The following STK24 variants were observed in gnomAD, a reference collection of about 807,000 sequenced individuals.
The protein encoded by STK24 is serine/threonine kinase 24.
A neutral mutation model predicts 55.6 loss-of-function variants in STK24; 21 were observed. The observed-to-expected ratio is 0.38, with a 90% CI of 0.27 to 0.54. The LOEUF is 0.54. Among genes scored for constraint, STK24 ranks in the 20% least tolerant of loss-of-function variants. The pLI is 0.79. For missense variants in STK24, 383 were observed against 538.4 expected, an observed-to-expected ratio of 0.71 and a Z score of 2.86; for synonymous variants, 200 against 215.2, an observed-to-expected ratio of 0.93 and a Z score of 0.62.
chr13:98,541,138 T>G (rs551982085), intron 1 of STK24, among the ~76,000 whole-genome samples: 1 of 152,334 alleles, frequency 6.6e-6, no homozygotes, highest in East Asian at 1.9e-4. Context: ...CACTAATGTC[T>G]TTAGCTGCAC....
At position 98,446,730 on chromosome 13, in the gene STK24, A is replaced by G. The variant is rs777359140; in HGVS notation, c.*6443T>C. On this transcript the variant is annotated 3_prime_UTR_variant, in exon 11 of 11. Coordinates refer to ENST00000539966, the MANE Select transcript of STK24 (RefSeq NM_001032296.4). ...TCGCTCACCATCCCCTCTGAGTCCG[A>G]GAACATCCAGAAAGACTACGTGTTC... 3 of 1,614,204 alleles carry G rather than the reference A, an allele frequency of 1.9e-6. No homozygotes were observed. Among genetic ancestry groups the G allele is most frequent in the East Asian group, 2.2e-5 (1 of 44,866 alleles).
intron 1 of STK24, chr13:98,543,042 G>A (rs2139422778): frequency 1.0e-6 from 1 of 985,298 alleles, no homozygotes. Flanking sequence ...AAGCCTCCGG[G>A]GGCTTACAGG....
intron 1 of STK24, among the ~76,000 whole-genome samples, chr13:98,541,566 T>A (rs1435008634): frequency 6.6e-6 from 1 of 152,244 alleles, no homozygotes; most frequent in Non-Finnish European, 1.5e-5. Context: ...CAATAAACTT[T>A]TAAATTCTTT....
At chr13:98,456,531 T>G in intron 10 of STK24, 1 of 514,994 alleles carries the variant, frequency 1.9e-6, no homozygotes, top group Non-Finnish European at 4.0e-6. Context: ...CAGATGGCAG[T>G]CAGGAGGGGC....
At chr13:98,486,748 A>T (rs1185588188) in intron 2 of STK24, among the ~76,000 whole-genome samples, 2 of 152,224 alleles carry the variant, frequency 1.3e-5, no homozygotes, top group African/African-American at 4.8e-5. Context: ...GACAAATCTG[A>T]CATGGTTCCT....
chr13:98,525,585 C>T (rs1896403205), intron 1 of STK24, among the ~76,000 whole-genome samples: 1 of 152,178 alleles, frequency 6.6e-6, no homozygotes, highest in Non-Finnish European at 1.5e-5. Flanking sequence ...GATGCCTTGT[C>T]CCTACAGTGG....
At chr13:98,534,581 A>C (rs1366765332) in intron 1 of STK24, among the ~76,000 whole-genome samples, 1 of 152,172 alleles carries the variant, frequency 6.6e-6, no homozygotes, top group Admixed American at 6.5e-5. Context: ...TGAACCTCCC[A>C]AAACTGCTCC....
At chr13:98,507,700 C>T (rs1895741865) in intron 2 of STK24, among the ~76,000 whole-genome samples, 1 of 152,182 alleles carries the variant, frequency 6.6e-6, no homozygotes, top group Non-Finnish European at 1.5e-5. Flanking sequence ...ATTAGACTAC[C>T]ACACTCCCTG....
At chr13:98,493,921 C>A (rs1246350175) in intron 2 of STK24, among the ~76,000 whole-genome samples, 2 of 149,922 alleles carry the variant, frequency 1.3e-5, no homozygotes, top group East Asian at 4.1e-4. Context: ...TGGCTCACTG[C>A]AAGCTCCGCC....
intron 2 of STK24, among the ~76,000 whole-genome samples, chr13:98,503,024 GTT>G (rs398038978): frequency 4.7e-5 from 5 of 107,080 alleles, no homozygotes; most frequent in African/African-American, 8.0e-5. Flanking sequence ...CTTTCCATGT[GTT>G]TTTTTTTTTT....
At chr13:98,494,138 A>G (rs1469061847) in intron 2 of STK24, among the ~76,000 whole-genome samples, 11 of 138,282 alleles carry the variant, frequency 8.0e-5, no homozygotes, top group African/African-American at 2.9e-4. Context: ...TCGGCCGGGC[A>G]CGGTGGCTCA....
chr13:98,446,981 C>T lies in STK24; in HGVS notation c.*6192G>A. 2.9e-6 allele frequency: 2 copies of T among 693,582 alleles called. No individual in the cohort carries two copies. The highest frequency in any genetic ancestry group is 1.9e-5 in the South Asian group (1 of 53,606). 43.0% of individuals were successfully genotyped at this position (693,582 alleles called of 1,614,324 possible). A position where few individuals can be genotyped will look rare whatever the true frequency, so the allele number is the denominator to read the frequency against. On this transcript the variant is annotated 3_prime_UTR_variant, in exon 11 of 11. Coordinates refer to ENST00000539966, the MANE Select transcript of STK24 (RefSeq NM_001032296.4). ...CCCGACACCAGCAGGCGATTCTGTT[C>T]TCATGGCAGAAAGTGGGGTCCCAAC...
chr13:98,457,036 C>G (rs987831552), intron 10 of STK24, 132 bp downstream of exon 10: 34 of 1,109,552 alleles, frequency 3.1e-5, no homozygotes, highest in Non-Finnish European at 3.4e-5. Flanking sequence ...TCTAATTCAA[C>G]TCTGTCTACC....
intron 3 of STK24, among the ~76,000 whole-genome samples, chr13:98,480,065 C>T (rs542296805): frequency 1.5e-4 from 23 of 152,222 alleles, no homozygotes; most frequent in Admixed American, 1.2e-3. Flanking sequence ...TTAAATGAGA[C>T]GATTAGGGGC....
chr13:98,576,839 G>GCGCGGGGCGGCGAGGCC lies in STK24; in HGVS notation c.-70_-54dup. ...CGGGACGGCCGGGCCGCGACGATCC[G>GCGCGGGGCGGCGAGGCC]CGCGGGGCGGCGAGGCCCGCGGGCC... On this transcript the variant is annotated 5_prime_UTR_variant, in exon 1 of 11. Coordinates refer to ENST00000539966, the MANE Select transcript of STK24 (RefSeq NM_001032296.4). The GCGCGGGGCGGCGAGGCC allele has an allele frequency of 1.8e-6, 2 of 1,117,046 alleles. No individual in the cohort carries two copies. The highest frequency in any genetic ancestry group is 3.4e-5 in the African/African-American group (2 of 59,564). 69.2% of individuals were successfully genotyped at this position (1,117,046 alleles called of 1,614,324 possible).
At chr13:98,463,607 G>A (rs1222328982) in intron 7 of STK24, 84 bp downstream of exon 7, 176 of 1,450,294 alleles carry the variant, frequency 1.2e-4, no homozygotes, top group Admixed American at 1.3e-4. Flanking sequence ...AAACTCAACA[G>A]AAAACGAAAC....
intron 10 of STK24, chr13:98,454,821 A>T (rs557203245): frequency 6.6e-6 from 1 of 152,370 alleles, no homozygotes; most frequent in South Asian, 2.1e-4. Flanking sequence ...CTGCAGAGAG[A>T]TGATAAGCAC....
chr13:98,549,657 C>T (rs1897113794), intron 1 of STK24, among the ~76,000 whole-genome samples: 1 of 152,190 alleles, frequency 6.6e-6, no homozygotes, highest in South Asian at 2.1e-4. Flanking sequence ...TCAAAGCTCC[C>T]TGAGGCCTCC....
intron 1 of STK24, among the ~76,000 whole-genome samples, chr13:98,544,884 A>G (rs1376181427): frequency 6.6e-6 from 1 of 152,228 alleles, no homozygotes; most frequent in Non-Finnish European, 1.5e-5. Flanking sequence ...ACATCACATT[A>G]AAAGCAGCAA....
Sources: gnomAD v4.1 joint callset for allele counts (sites outside exome capture counted in the v4.1 genomes callset) on GRCh38, gnomAD v4.1.1 for gene constraint, MANE v1.5 for transcripts, NCBI Gene and HGNC (gene_info 2026-07-23, HGNC 2026-07-21) for gene names.